The following DNAH11 variants were observed in gnomAD, a reference collection of about 807,000 sequenced individuals.
The protein encoded by DNAH11 is dynein axonemal heavy chain 11.
In DNAH11, 442 loss-of-function variants were observed where a neutral mutation model predicts 526.0. The observed-to-expected ratio is 0.84, with a 90% confidence interval of 0.78 to 0.91. DNAH11 has a LOEUF of 0.91. Ranked by LOEUF, DNAH11 falls within the 40% of genes least tolerant of loss-of-function variation. DNAH11 has a pLI of 0.00. For missense variants in DNAH11, 6,989 were observed against 5,448.7 expected, an observed-to-expected ratio of 1.28 and a Z score of -8.90; for synonymous variants, 2,461 against 1,935.9, an observed-to-expected ratio of 1.27 and a Z score of -7.12.
intron 9 of DNAH11, 56 bp downstream of exon 9, chr7:21,582,077 TAAATG>T (rs945181186): frequency 4.5e-6 from 5 of 1,103,014 alleles, no homozygotes; most frequent in African/African-American, 3.1e-5. Context: ...TATAGGCTGT[TAAATG>T]AAAGGGGTGA....
At chr7:21,603,216 A>G (rs1785159072) in intron 18 of DNAH11, among the ~76,000 whole-genome samples, 1 of 152,184 alleles carries the variant, frequency 6.6e-6, no homozygotes, top group South Asian at 2.1e-4. Context: ...GTTCATTCAC[A>G]TTGTAGCATG....
intron 76 of DNAH11, among the ~76,000 whole-genome samples, chr7:21,888,027 T>C (rs749618176): frequency 4.6e-5 from 7 of 152,260 alleles, no homozygotes; most frequent in Admixed American, 1.3e-4. Context: ...AGGCCAACAC[T>C]GAGAACAACA....
chr7:21,644,711 GA>G (rs1562724244), intron 28 of DNAH11, among the ~76,000 whole-genome samples: 3 of 152,186 alleles, frequency 2.0e-5, no homozygotes, highest in African/African-American at 7.2e-5. Flanking sequence ...AGCTGCTCAT[GA>G]AAGTGTAGTC....
intron 2 of DNAH11, among the ~76,000 whole-genome samples, chr7:21,558,150 T>C (rs944532295): frequency 1.3e-5 from 2 of 151,960 alleles, no homozygotes; most frequent in Non-Finnish European, 2.9e-5. Flanking sequence ...ATCAGAAAAA[T>C]GAAAAAATGT....
At position 21,717,838 on chromosome 7, in the gene DNAH11, T is replaced by C; in HGVS notation, c.7047T>C (p.Leu2349=). Residue 2349 remains leucine (L), a synonymous_variant, in exon 43 of 82, where the codon CTT becomes CTC. Coordinates refer to ENST00000409508, the MANE Select transcript of DNAH11 (RefSeq NM_001277115.2). The part of the protein sequence containing the change: ...HQSEKANLTI[L]FDKYVPACLD... ...CAGAAAAGGCCAATTTGACTATTCT[T>C]TTTGATAAATATGTCCCTGCATGCT... 1 of 1,613,902 alleles carries C rather than the reference T, an allele frequency of 6.2e-7. No homozygotes were observed. Among genetic ancestry groups the C allele is most frequent in the African/African-American group, 1.3e-5 (1 of 75,044 alleles).
At chr7:21,644,564 A>C (rs1055604116) in intron 28 of DNAH11, among the ~76,000 whole-genome samples, 2 of 152,306 alleles carry the variant, frequency 1.3e-5, no homozygotes, top group Middle Eastern at 3.4e-3. Context: ...ATGTGGAGGA[A>C]GTGGTTGCTC....
At chr7:21,630,860 C>T (rs1051868085) in intron 25 of DNAH11, among the ~76,000 whole-genome samples, 2 of 152,106 alleles carry the variant, frequency 1.3e-5, no homozygotes, top group East Asian at 1.9e-4. Flanking sequence ...ATATTTATAT[C>T]TCTCTCAGGC....
In DNAH11 at chr7:21,787,622, C is replaced by G. The variant is rs555137829; in HGVS notation, c.9924+39C>G. The G allele has an allele frequency of 3.3e-6, 5 of 1,514,130 alleles. No homozygotes were observed. The African/African-American group carries it at 5.5e-5, about 17-fold the overall frequency. The allele number at this position is 1,514,130 out of a possible 1,614,324, so 93.8% of individuals were successfully genotyped here. On this transcript the variant is annotated intron_variant, in intron 60 of 81. Coordinates refer to ENST00000409508, the MANE Select transcript of DNAH11 (RefSeq NM_001277115.2). ...ATTGATTGTTTACAGATGTTCTCCA[C>G]AAAGGGCTGCAAACACATCAATTTC...
At chr7:21,637,108 A>G (rs1013818843) in intron 26 of DNAH11, among the ~76,000 whole-genome samples, 5 of 152,122 alleles carry the variant, frequency 3.3e-5, no homozygotes, top group African/African-American at 1.2e-4. Context: ...AAGAAAAAAT[A>G]GATTGTTTAT....
At position 21,684,300 on chromosome 7, in the gene DNAH11, AC is replaced by A. The variant is rs1202397915; in HGVS notation, c.5621+357del. ...CAAATTCATATTTGAGGAACTGCAT[AC>A]AGTGAAAGGAAGGGAAGGTGAAGAA... On this transcript the variant is annotated intron_variant, in intron 32 of 81. Coordinates refer to ENST00000409508, the MANE Select transcript of DNAH11 (RefSeq NM_001277115.2). Among the ~76,000 whole-genome samples, 4 of 152,194 alleles carry A rather than the reference AC, an allele frequency of 2.6e-5. No individual in the cohort carries two copies. In the East Asian group the frequency reaches 7.7e-4, roughly 29 times the overall value.
intron 35 of DNAH11, among the ~76,000 whole-genome samples, chr7:21,692,701 C>G (rs1783684801): frequency 6.6e-6 from 1 of 152,164 alleles, no homozygotes; most frequent in Non-Finnish European, 1.5e-5. Flanking sequence ...GCTGGAATTG[C>G]TAGTCTACAT....
At chr7:21,577,377 G>T (rs1196159853) in intron 8 of DNAH11, among the ~76,000 whole-genome samples, 1 of 152,144 alleles carries the variant, frequency 6.6e-6, no homozygotes, top group African/African-American at 2.4e-5. Flanking sequence ...CCTTGCTGGG[G>T]TGATGTCAGA....
At chr7:21,826,339 GA>G (rs1790298787) in intron 65 of DNAH11, among the ~76,000 whole-genome samples, 2 of 152,126 alleles carry the variant, frequency 1.3e-5, no homozygotes, top group African/African-American at 4.8e-5. Flanking sequence ...CAAAGTAGGA[GA>G]TATGGTAAAA....
chr7:21,600,759 A>G lies in DNAH11; in HGVS notation c.3084A>G (p.Leu1028=), dbSNP rs770918827. 6.2e-6 allele frequency: 10 copies of G among 1,613,796 alleles called. No individual in the cohort carries two copies. In the East Asian group the frequency reaches 1.6e-4, roughly 25 times the overall value. The change falls in exon 16 of 82, where the codon TTA becomes TTG. Residue 1028 remains leucine, a synonymous_variant. Transcript: ENST00000409508. ...NRVVNVINKV[L]DFRNTLETHT... ...TGGTGAATGTCATCAACAAAGTCTT[A>G]GATTTCAGAAACACCCTGGAGACCC...
chr7:21,638,917 A>G (rs1786992331), intron 27 of DNAH11, 22 bp from the exon 28 acceptor site: 1 of 1,595,586 alleles, frequency 6.3e-7, no homozygotes, highest in African/African-American at 1.4e-5. Context: ...GATATGCTTA[A>G]AAACATTTTT....
At chr7:21,678,915 A>G (rs1400284458) in intron 30 of DNAH11, among the ~76,000 whole-genome samples, 2 of 152,208 alleles carry the variant, frequency 1.3e-5, no homozygotes, top group African/African-American at 4.8e-5. Context: ...TGTCTTGACA[A>G]GATATGTGCA....
At chr7:21,727,966 A>G (rs1174845816) in intron 45 of DNAH11, among the ~76,000 whole-genome samples, 3 of 152,150 alleles carry the variant, frequency 2.0e-5, no homozygotes, top group Non-Finnish European at 4.4e-5. Context: ...ATTCATGCTC[A>G]CTGTCTCCCT....
chr7:21,895,081 C>G (rs1262839363), intron 79 of DNAH11, 82 bp downstream of exon 79: 2 of 1,147,990 alleles, frequency 1.7e-6, no homozygotes, highest in African/African-American at 1.5e-5. Context: ...TTCCTAAGAA[C>G]TATGCAGACG....
chr7:21,815,276 T>C (rs1340922202), intron 63 of DNAH11, among the ~76,000 whole-genome samples: 1 of 152,188 alleles, frequency 6.6e-6, no homozygotes, highest in Non-Finnish European at 1.5e-5. Context: ...ACATACCTCT[T>C]GCAGATAGAA....
Sources: allele counts gnomAD v4.1 joint callset (sites outside exome capture counted in the v4.1 genomes callset), GRCh38; gene constraint gnomAD v4.1.1; transcripts MANE v1.5; gene names NCBI Gene and HGNC (gene_info 2026-07-23, HGNC 2026-07-21).